MAGI2: variants seen among roughly 807,000 people sequenced by gnomAD.
MAGI2 encodes the protein membrane-associated guanylate kinase, WW and PDZ domain-containing protein 2.
Under a neutral mutation model 133.3 loss-of-function variants are expected in MAGI2, and 35 were observed. The ratio of observed to expected loss-of-function variants is 0.26; its 90% CI spans 0.20 to 0.35. The LOEUF (loss-of-function observed/expected upper bound fraction) is 0.35. MAGI2 is among the 10% of genes least tolerant of loss of function. The pLI, the probability that MAGI2 is intolerant of heterozygous loss-of-function variation, is 1.00. For synonymous variants in MAGI2, 729 were observed against 710.6 expected, an observed-to-expected ratio of 1.03 and a Z score of -0.41; for missense variants, 1,636 against 1,863.4, an observed-to-expected ratio of 0.88 and a Z score of 2.25.
At chr7:78,273,971 T>A (rs1274963488) in intron 9 of MAGI2, among the ~76,000 whole-genome samples, 1 of 152,154 alleles carries the variant, frequency 6.6e-6, no homozygotes, top group Non-Finnish European at 1.5e-5. Flanking sequence ...CCAGTTTTCT[T>A]CCCTTGCTGG....
At chr7:79,251,959 C>A (rs1211546918) in intron 1 of MAGI2, among the ~76,000 whole-genome samples, 1 of 151,840 alleles carries the variant, frequency 6.6e-6, no homozygotes, top group Non-Finnish European at 1.5e-5. Flanking sequence ...GAGTTCAAGA[C>A]CAGCCTGGGC....
chr7:78,418,159 A>C (rs529836613), intron 6 of MAGI2, among the ~76,000 whole-genome samples: 1 of 152,320 alleles, frequency 6.6e-6, no homozygotes, highest in African/African-American at 2.4e-5. Flanking sequence ...ATCTCTAAAA[A>C]TGCAGAAAAA....
intron 1 of MAGI2, among the ~76,000 whole-genome samples, chr7:79,091,705 T>A (rs1049701605): frequency 6.6e-6 from 1 of 152,024 alleles, no homozygotes; most frequent in Non-Finnish European, 1.5e-5. Flanking sequence ...GAGAGCCATA[T>A]GGTCTCTGTG....
chr7:78,094,533 A>C (rs1817530111), intron 20 of MAGI2, among the ~76,000 whole-genome samples: 1 of 152,182 alleles, frequency 6.6e-6, no homozygotes, highest in Admixed American at 6.5e-5. Context: ...GTTGGGGTAC[A>C]AATACATGAA....
rs201609433 is a variant in MAGI2, at chr7:79,324,610, A to AAT, written c.301+128408_301+128409dup. Among the ~76,000 whole-genome samples the AAT allele has an allele frequency of 2.0e-3, 23 of 11,552 alleles. 4 individuals carry two copies. The highest frequency in any genetic ancestry group is 5.9e-3 in the African/African-American group (23 of 3,868). 7.6% of individuals were successfully genotyped at this position (11,552 alleles called of 152,430 possible). A position where few individuals can be genotyped will look rare whatever the true frequency, so the allele number is the denominator to read the frequency against. On this transcript the variant is annotated intron_variant, in intron 1 of 21. Coordinates refer to ENST00000354212, the MANE Select transcript of MAGI2 (RefSeq NM_012301.4). ...TATATATAACAATATATATATAAAA[A>AAT]ATATATATAATATATATATTATATA...
chr7:78,569,817 C>T (rs1321478127), intron 3 of MAGI2, among the ~76,000 whole-genome samples: 1 of 152,130 alleles, frequency 6.6e-6, no homozygotes, highest in Non-Finnish European at 1.5e-5. Context: ...CCCAAGGTAA[C>T]CACTATGTTG....
chr7:78,747,692 C>G (rs538037295), intron 2 of MAGI2, among the ~76,000 whole-genome samples: 2 of 152,270 alleles, frequency 1.3e-5, no homozygotes, highest in East Asian at 3.9e-4. Flanking sequence ...CCTGATCTCA[C>G]TAGAAGGTTT....
intron 7 of MAGI2, among the ~76,000 whole-genome samples, chr7:78,367,505 T>C (rs949962442): frequency 6.6e-6 from 1 of 152,200 alleles, no homozygotes; most frequent in Non-Finnish European, 1.5e-5. Context: ...CTGATGTTGC[T>C]GATGGTTGCT....
At chr7:79,321,594 A>G (rs1041257387) in intron 1 of MAGI2, among the ~76,000 whole-genome samples, 5 of 152,202 alleles carry the variant, frequency 3.3e-5, no homozygotes, top group African/African-American at 1.2e-4. Context: ...TCTTTCTATA[A>G]ATTTGTTTGC....
At chr7:79,141,939 T>G (rs971431435) in intron 1 of MAGI2, among the ~76,000 whole-genome samples, 3 of 152,196 alleles carry the variant, frequency 2.0e-5, no homozygotes, top group African/African-American at 7.2e-5. Context: ...TAGACTAATA[T>G]TAGTCTTTTT....
intron 1 of MAGI2, among the ~76,000 whole-genome samples, chr7:79,122,170 C>A (rs1819960536): frequency 6.6e-6 from 1 of 152,130 alleles, no homozygotes; most frequent in African/African-American, 2.4e-5. Flanking sequence ...ATTATTTATA[C>A]CCCTCTGCTT....
intron 6 of MAGI2, among the ~76,000 whole-genome samples, chr7:78,375,539 T>C (rs1259528629): frequency 2.0e-5 from 3 of 151,990 alleles, no homozygotes; most frequent in Non-Finnish European, 4.4e-5. Context: ...CCAGAAACCA[T>C]ATCCTTCAAC....
intron 1 of MAGI2, among the ~76,000 whole-genome samples, chr7:79,068,539 C>T (rs1416322044): frequency 6.6e-6 from 1 of 151,846 alleles, no homozygotes; most frequent in South Asian, 2.1e-4. Flanking sequence ...CAAAAAACCA[C>T]CGCCTGGATT....
chr7:78,241,596 C>G (rs1455629137), intron 10 of MAGI2, among the ~76,000 whole-genome samples: 1 of 152,090 alleles, frequency 6.6e-6, no homozygotes, highest in African/African-American at 2.4e-5. Context: ...TTGAGTATAC[C>G]TCACAAAGCT....
At chr7:78,057,800 T>A (rs1021927988) in intron 21 of MAGI2, among the ~76,000 whole-genome samples, 14 of 150,554 alleles carry the variant, frequency 9.3e-5, no homozygotes, top group African/African-American at 3.2e-4. Context: ...GCAGTGAGAT[T>A]TTTTTTTTGC....
chr7:78,540,227 C>T (rs748201542), intron 3 of MAGI2, among the ~76,000 whole-genome samples: 130 of 152,190 alleles, frequency 8.5e-4, no homozygotes, highest in Non-Finnish European at 8.4e-4. Context: ...CCTGTCTGAG[C>T]TCAGCCTGTC....
intron 1 of MAGI2, among the ~76,000 whole-genome samples, chr7:79,328,121 A>G (rs1000259063): frequency 2.6e-5 from 4 of 152,204 alleles, no homozygotes; most frequent in Non-Finnish European, 1.5e-5. Flanking sequence ...TTCAATTTCT[A>G]TAAATTGACC....
chr7:78,135,363 T>C (rs1822002889), intron 16 of MAGI2, among the ~76,000 whole-genome samples, 157 bp from the exon 17 acceptor site: 1 of 152,222 alleles, frequency 6.6e-6, no homozygotes, highest in Non-Finnish European at 1.5e-5. Context: ...TGGGGTCCTG[T>C]GCATACTACT....
chr7:78,488,276 A>G (rs1027839398), intron 6 of MAGI2, among the ~76,000 whole-genome samples: 1 of 152,060 alleles, frequency 6.6e-6, no homozygotes, highest in Non-Finnish European at 1.5e-5. Context: ...GATGTGGGAA[A>G]AACAAATAAC....
Sources: allele counts gnomAD v4.1 joint callset (sites outside exome capture counted in the v4.1 genomes callset), GRCh38; gene constraint gnomAD v4.1.1; transcripts MANE v1.5; gene names NCBI Gene and HGNC (gene_info 2026-07-23, HGNC 2026-07-21).